Variants in PRIM1 observed in about 807,000 individuals in gnomAD.
The protein encoded by PRIM1 is DNA primase small subunit.
Under a neutral mutation model 60.2 loss-of-function variants are expected in PRIM1, and 38 were observed. The observed-to-expected ratio is 0.63, with a 90% confidence interval of 0.49 to 0.83. The LOEUF is 0.83. Among genes scored for constraint, PRIM1 ranks in the 40% least tolerant of loss-of-function variants. The pLI, the probability that PRIM1 is intolerant of heterozygous loss-of-function variation, is 0.00. For missense variants in PRIM1, 388 were observed against 506.2 expected, an observed-to-expected ratio of 0.77 and a Z score of 2.24; for synonymous variants, 158 against 160.2, an observed-to-expected ratio of 0.99 and a Z score of 0.10.
chr12:56,742,918 T>C (rs891562971), intron 7 of PRIM1, 69 bp downstream of exon 7: 32 of 1,130,216 alleles, frequency 2.8e-5, no homozygotes, highest in Non-Finnish European at 4.0e-5. Context: ...CAAGCAGACA[T>C]GTCTAACATT....
intron 5 of PRIM1, 41 bp downstream of exon 5, chr12:56,746,004 A>G: frequency 6.4e-7 from 1 of 1,555,582 alleles, no homozygotes; most frequent in Non-Finnish European, 8.7e-7. Context: ...GGTAACATCT[A>G]GAAACTAAAG....
chr12:56,748,552 G>A (rs1484059449), intron 2 of PRIM1, among the ~76,000 whole-genome samples: 1 of 151,862 alleles, frequency 6.6e-6, no homozygotes, highest in South Asian at 2.1e-4. Context: ...GCTTGAACCC[G>A]GGAGGCGGAG....
At chr12:56,739,136 C>T (rs1953854362) in intron 10 of PRIM1, among the ~76,000 whole-genome samples, 158 bp downstream of exon 10, 1 of 152,120 alleles carries the variant, frequency 6.6e-6, no homozygotes, top group African/African-American at 2.4e-5. Context: ...TTGTATTGTT[C>T]TATTAGGGCA....
At chr12:56,740,693 C>T (rs1315365878) in intron 9 of PRIM1, among the ~76,000 whole-genome samples, 6 of 152,022 alleles carry the variant, frequency 3.9e-5, no homozygotes, top group East Asian at 3.9e-4. Context: ...TCGCTTGAGC[C>T]GATCGGTGAG....
intron 5 of PRIM1, among the ~76,000 whole-genome samples, chr12:56,745,033 G>A (rs1312133920): frequency 6.6e-6 from 1 of 151,766 alleles, no homozygotes; most frequent in Non-Finnish European, 1.5e-5. Context: ...CTTGAACCCG[G>A]GACGCGGAGG....
chr12:56,739,487 TAAG>T, intron 9 of PRIM1, 124 bp from the exon 10 acceptor site: 1 of 532,812 alleles, frequency 1.9e-6, no homozygotes, highest in Non-Finnish European at 3.2e-6. Context: ...ACTTATCTGT[TAAG>T]AAGAGTATTT....
rs192716916 is a variant in PRIM1 at position 56,739,486 on chromosome 12, T to C, written c.983-123A>G. ...TTAGACAAAGGGTTAAACTTATCTGTTAAGAAGAGTATTTAGAAATATAAA... is the reference window on the plus strand; with the variant it reads ...TTAGACAAAGGGTTAAACTTATCTGCTAAGAAGAGTATTTAGAAATATAAA... On this transcript the variant is annotated intron_variant, in intron 9 of 12. Coordinates refer to ENST00000338193, the MANE Select transcript of PRIM1 (RefSeq NM_000946.3). 253 of 534,890 alleles carry C rather than the reference T, an allele frequency of 4.7e-4. 1 individual carries two copies. Among genetic ancestry groups the C allele is most frequent in the African/African-American group, 4.5e-3 (237 of 52,700 alleles). 33.1% of individuals were successfully genotyped at this position (534,890 alleles called of 1,614,324 possible). A position where few individuals can be genotyped will look rare whatever the true frequency, so the allele number is the denominator to read the frequency against.
chr12:56,734,970 A>T (rs1234847718), intron 11 of PRIM1, among the ~76,000 whole-genome samples: 1 of 149,402 alleles, frequency 6.7e-6, no homozygotes, highest in Non-Finnish European at 1.5e-5. Context: ...CGCCACCACA[A>T]TGAGCTAATT....
At position 56,739,293 on chromosome 12, in the gene PRIM1, C is replaced by A. The variant is rs938073121; in HGVS notation, c.1052+1G>T. 27 of 1,555,230 alleles carry A rather than the reference C, an allele frequency of 1.7e-5. No individual in the cohort carries two copies. The highest frequency in any genetic ancestry group is 2.4e-5 in the Non-Finnish European group (27 of 1,141,488). On this transcript the variant is annotated splice_donor_variant, in intron 10 of 12. Transcript: ENST00000338193. LOFTEE classifies it high-confidence loss of function. The stretch of plus-strand genomic sequence containing the variant: ...GGAGTGATCAATGATCTGAAACATA[C>A]CTTATGGTCGGAACAGTAAATGGAT...
At position 56,736,020 on chromosome 12, in the gene PRIM1, G is replaced by A. The variant is rs1953825723; in HGVS notation, c.1145-1775C>T. ...TACAACAAAAAATTTAATATAGGCA[G>A]GGTGCGGTGGCTCATGCCTATAATC... On this transcript the variant is annotated intron_variant, in intron 11 of 12. Transcript: ENST00000338193. 2.0e-5 allele frequency among the ~76,000 whole-genome samples: 3 copies of A among 151,626 alleles called. No individual in the cohort carries two copies. The South Asian group carries it at 6.3e-4, about 32-fold the overall frequency.
intron 10 of PRIM1, among the ~76,000 whole-genome samples, chr12:56,738,842 G>A (rs528706404): frequency 2.0e-5 from 3 of 152,200 alleles, no homozygotes; most frequent in East Asian, 1.9e-4. Context: ...GAGCCACCGC[G>A]CCTCACCACG....
At chr12:56,748,626 CAAA>C (rs1181089411) in intron 2 of PRIM1, among the ~76,000 whole-genome samples, 2 of 67,398 alleles carry the variant, frequency 3.0e-5, no homozygotes, top group Non-Finnish European at 6.3e-5. Context: ...GACTCTGTCT[CAAA>C]AAAAAAAAAA....
At position 56,737,025 on chromosome 12, in the gene PRIM1, G is replaced by A. The variant is rs1040516098; in HGVS notation, c.1144+1409C>T. Among the ~76,000 whole-genome samples the A allele has an allele frequency of 2.6e-5, 4 of 151,444 alleles. No homozygotes were observed. The South Asian group carries it at 6.3e-4, about 24-fold the overall frequency. ...GGTCTCAAACTCCTAGGCTCCTCTT[G>A]CCTCGGCCTCCCAAAGTGCTGGGAT... is the stretch of plus-strand genomic sequence containing the variant. On this transcript the variant is annotated intron_variant, in intron 11 of 12. Coordinates refer to ENST00000338193, the MANE Select transcript of PRIM1 (RefSeq NM_000946.3).
chr12:56,751,587 GAGA>G (rs944359667), intron 1 of PRIM1: 14 of 155,786 alleles, frequency 9.0e-5, no homozygotes, highest in East Asian at 3.8e-4. Flanking sequence ...CACTCGGCCC[GAGA>G]AGATGTTTTT....
chr12:56,737,945 G>C (rs1953845234), intron 11 of PRIM1, among the ~76,000 whole-genome samples: 1 of 151,858 alleles, frequency 6.6e-6, no homozygotes, highest in African/African-American at 2.4e-5. Flanking sequence ...GGCTGGTCTT[G>C]AACTCCTGAC....
intron 12 of PRIM1, among the ~76,000 whole-genome samples, chr12:56,732,965 C>T (rs898910558): frequency 3.2e-4 from 48 of 151,480 alleles, no homozygotes; most frequent in Non-Finnish European, 2.5e-4. Flanking sequence ...AGTGATTCTC[C>T]TGCCTCAGCC....
intron 7 of PRIM1, among the ~76,000 whole-genome samples, chr12:56,742,275 C>T (rs1157453609): frequency 6.7e-6 from 1 of 150,262 alleles, no homozygotes; most frequent in Non-Finnish European, 1.5e-5. Flanking sequence ...ACCCACCCCA[C>T]AAATGTTAAA....
intron 2 of PRIM1, among the ~76,000 whole-genome samples, chr12:56,750,136 T>G (rs1476540329): frequency 6.6e-6 from 1 of 152,130 alleles, no homozygotes; most frequent in Non-Finnish European, 1.5e-5. Context: ...AGAAGGACTT[T>G]TAGTCAGTGA....
In PRIM1 at chr12:56,746,918, G is replaced by A; in HGVS notation, c.368+8C>T. 1.9e-6 allele frequency: 3 copies of A among 1,613,022 alleles called. No homozygotes were observed. The South Asian group carries it at 3.3e-5, about 18-fold the overall frequency. On this transcript the variant is annotated splice_region_variant and intron_variant, in intron 3 of 12. Coordinates refer to ENST00000338193, the MANE Select transcript of PRIM1 (RefSeq NM_000946.3). ...ACCCACCCTAACAGCAAGACACACA[G>A]TGCTCACCTACAACATCTCCTCACA...
Sources: allele counts gnomAD v4.1 joint callset (sites outside exome capture counted in the v4.1 genomes callset), GRCh38; gene constraint gnomAD v4.1.1; transcripts MANE v1.5; gene names NCBI Gene and HGNC (gene_info 2026-07-23, HGNC 2026-07-21).